USP34: variants seen among roughly 807,000 people sequenced by gnomAD.
USP34 encodes the protein ubiquitin specific peptidase 34.
A neutral mutation model predicts 460.3 loss-of-function variants in USP34; 70 were observed. That is an observed-to-expected ratio of 0.15 (90% CI 0.13 to 0.19). USP34 has a LOEUF of 0.19. Ranked by LOEUF, USP34 falls within the 10% of genes least tolerant of loss-of-function variation. The pLI is 1.00. For missense variants in USP34, 3,985 were observed against 4,236.2 expected, an observed-to-expected ratio of 0.94 and a Z score of 1.65; for synonymous variants, 1,647 against 1,405.3, an observed-to-expected ratio of 1.17 and a Z score of -3.85.
chr2:61,295,045 CA>C lies in USP34; in HGVS notation c.4378-14del, dbSNP rs763960317. 7 of 1,603,576 alleles carry C rather than the reference CA, an allele frequency of 4.4e-6. No individual in the cohort carries two copies. The highest frequency in any genetic ancestry group is 2.2e-5 in the East Asian group (1 of 44,624). On this transcript the variant is annotated splice_polypyrimidine_tract_variant and intron_variant, in intron 31 of 79. Coordinates refer to ENST00000398571, the MANE Select transcript of USP34 (RefSeq NM_014709.4). ...CACTGTAACTTCCCTATGAGAAAGGCAAAAAAAGTAAGGCAGAATGGCGGAA... is the reference window on the plus strand; with the variant it reads ...CACTGTAACTTCCCTATGAGAAAGGCAAAAAAGTAAGGCAGAATGGCGGAA...
At chr2:61,459,424 T>C (rs943291569) in intron 1 of USP34, among the ~76,000 whole-genome samples, 1 of 152,150 alleles carries the variant, frequency 6.6e-6, no homozygotes, top group Non-Finnish European at 1.5e-5. Context: ...TAATTCATCA[T>C]AGTATTCCAA....
chr2:61,259,213 C>A (rs1258419962), intron 44 of USP34, among the ~76,000 whole-genome samples: 3 of 152,012 alleles, frequency 2.0e-5, no homozygotes, highest in Admixed American at 2.0e-4. Flanking sequence ...GAATTGAGAT[C>A]ACACCACTGC....
chr2:61,253,003 A>G (rs1688628099), intron 48 of USP34, among the ~76,000 whole-genome samples: 1 of 152,200 alleles, frequency 6.6e-6, no homozygotes, highest in East Asian at 1.9e-4. Context: ...ATATTAGTAA[A>G]AAATTGGTAT....
At chr2:61,463,390 T>C (rs1197096468) in intron 1 of USP34, among the ~76,000 whole-genome samples, 8 of 152,152 alleles carry the variant, frequency 5.3e-5, no homozygotes, top group Admixed American at 5.2e-4. Flanking sequence ...CAGCTATACT[T>C]ATTACCACTT....
At chr2:61,241,730 AAAC>A in intron 52 of USP34, 33 bp downstream of exon 52, 4 of 1,501,710 alleles carry the variant, frequency 2.7e-6, no homozygotes, top group African/African-American at 1.4e-5. Context: ...GCAGAAGAAA[AAAC>A]AATATAAAAT....
chr2:61,248,695 G>GA lies in USP34; in HGVS notation c.6222-13dup, dbSNP rs755641845. On this transcript the variant is annotated splice_polypyrimidine_tract_variant and intron_variant, in intron 48 of 79. Coordinates refer to ENST00000398571, the MANE Select transcript of USP34 (RefSeq NM_014709.4). Reference sequence around the variant, plus strand: ...TCTTAAAACATGCCCTGAGAGACAAGAAAAAAATTAATAAAGATTATTTTT... The same window carrying GA: ...TCTTAAAACATGCCCTGAGAGACAAGAAAAAAAATTAATAAAGATTATTTTT... 1.3e-6 allele frequency: 2 copies of GA among 1,535,162 alleles called. No homozygotes were observed. The highest frequency in any genetic ancestry group is 1.3e-5 in the South Asian group (1 of 79,570).
At chr2:61,230,822 C>T (rs1687871383) in intron 58 of USP34, among the ~76,000 whole-genome samples, 1 of 147,712 alleles carries the variant, frequency 6.8e-6, no homozygotes, top group African/African-American at 2.5e-5. Flanking sequence ...CTAGCCTGGG[C>T]CACAAGAGCG....
chr2:61,207,483 C>A (rs1441036948), intron 70 of USP34: 2 of 152,398 alleles, frequency 1.3e-5, no homozygotes, highest in Non-Finnish European at 2.9e-5. Flanking sequence ...CACTGTAATA[C>A]CCACAGTTCA....
intron 16 of USP34, among the ~76,000 whole-genome samples, chr2:61,341,924 AG>A (rs1186653398): frequency 6.6e-6 from 1 of 151,074 alleles, no homozygotes; most frequent in East Asian, 2.0e-4. Context: ...CATCACACCC[AG>A]CTGATTTTTG....
At chr2:61,256,028 C>T (rs183129873) in intron 48 of USP34, among the ~76,000 whole-genome samples, 198 of 152,182 alleles carry the variant, frequency 1.3e-3, no homozygotes, top group Non-Finnish European at 2.0e-3. Flanking sequence ...CAACATTTCC[C>T]GAGGATAAGG....
At position 61,288,740 on chromosome 2, in the gene USP34, A is replaced by T; in HGVS notation, c.4686T>A (p.Pro1562=). The T allele has an allele frequency of 6.2e-7, 1 of 1,614,102 alleles. No homozygotes were observed. Among genetic ancestry groups the T allele is most frequent in the Non-Finnish European group, 8.5e-7 (1 of 1,179,968 alleles). ...IAESHRKRTW[P]GKSRKAAGDH... Reference sequence around the variant, plus strand: ...CACCAGCAGCCTTCCTTGATTTGCCAGGCCAGGTTCTTTTCCTATGGCTTT... The same window carrying T: ...CACCAGCAGCCTTCCTTGATTTGCCTGGCCAGGTTCTTTTCCTATGGCTTT... Residue 1562 remains proline (P), a synonymous_variant, in exon 34 of 80, where the codon CCT becomes CCA. Coordinates refer to ENST00000398571, the MANE Select transcript of USP34 (RefSeq NM_014709.4).
intron 20 of USP34, among the ~76,000 whole-genome samples, chr2:61,327,914 T>C (rs1165591762): frequency 6.6e-6 from 1 of 152,188 alleles, no homozygotes; most frequent in African/African-American, 2.4e-5. Context: ...AGTAACAGAT[T>C]ACTGCCTTAA....
At chr2:61,452,681 C>T (rs990559388) in intron 1 of USP34, among the ~76,000 whole-genome samples, 2 of 150,896 alleles carry the variant, frequency 1.3e-5, no homozygotes, top group Non-Finnish European at 2.9e-5. Context: ...ACCAGGAGTT[C>T]GAGACCCACC....
chr2:61,337,276 GC>G (rs1032134021), intron 18 of USP34, among the ~76,000 whole-genome samples: 2 of 152,042 alleles, frequency 1.3e-5, no homozygotes, highest in African/African-American at 4.8e-5. Flanking sequence ...TTTGTGTCTG[GC>G]TTCTTTCTTG....
At chr2:61,431,036 A>C (rs1401115278) in intron 1 of USP34, among the ~76,000 whole-genome samples, 1 of 152,120 alleles carries the variant, frequency 6.6e-6, no homozygotes, top group Admixed American at 6.6e-5. Context: ...AAATGAAACG[A>C]AATGAAATGA....
rs547436953 is a variant in USP34 at position 61,450,251 on chromosome 2, C to T, written c.43+20399G>A. ...AGAATAGGCAAATATATTAAGAATG[C>T]ATATTGGTTGTTGCTTCGTGCTACT... On this transcript the variant is annotated intron_variant, in intron 1 of 79. Coordinates refer to ENST00000398571, the MANE Select transcript of USP34 (RefSeq NM_014709.4). Among the ~76,000 whole-genome samples the T allele has an allele frequency of 6.1e-4, 93 of 152,144 alleles. 1 individual carries two copies. The highest frequency in any genetic ancestry group is 2.0e-3 in the African/African-American group (83 of 41,498).
At chr2:61,413,230 C>T (rs553937070) in intron 2 of USP34, among the ~76,000 whole-genome samples, 3 of 152,002 alleles carry the variant, frequency 2.0e-5, no homozygotes, top group South Asian at 4.2e-4. Context: ...CCTGACTCTA[C>T]TAAAAATACA....
chr2:61,192,721 CA>C (rs1214000285), intron 76 of USP34, among the ~76,000 whole-genome samples, 179 bp downstream of exon 76: 1 of 152,138 alleles, frequency 6.6e-6, no homozygotes, highest in East Asian at 1.9e-4. Context: ...TTAAAAAAAT[CA>C]AAGGGAAACT....
chr2:61,230,059 T>A (rs552757884), intron 58 of USP34, among the ~76,000 whole-genome samples: 8 of 103,766 alleles, frequency 7.7e-5, no homozygotes, highest in African/African-American at 2.6e-4. Flanking sequence ...CACAATCACA[T>A]GAAAAAAATG....
Sources: allele counts gnomAD v4.1 joint callset (sites outside exome capture counted in the v4.1 genomes callset), GRCh38; gene constraint gnomAD v4.1.1; transcripts MANE v1.5; gene names NCBI Gene and HGNC (gene_info 2026-07-23, HGNC 2026-07-21).